CACNA2D3: variants seen among roughly 807,000 people sequenced by gnomAD.
CACNA2D3 encodes calcium voltage-gated channel auxiliary subunit alpha2delta 3, also known as voltage-dependent calcium channel subunit alpha-2/delta-3.
CACNA2D3 carries 60 observed loss-of-function variants against 160.6 expected under a neutral mutation model. That is an observed-to-expected ratio of 0.37 (90% confidence interval 0.30 to 0.46). The LOEUF (loss-of-function observed/expected upper bound fraction) is 0.46. Among genes scored for constraint, CACNA2D3 ranks in the 20% least tolerant of loss-of-function variants. The pLI is 1.00. For synonymous variants in CACNA2D3, 558 were observed against 492.9 expected (o/e 1.13, Z -1.75); for missense variants, 1,205 against 1,365.0 (o/e 0.88, Z 1.85).
At chr3:54,934,827 G>C (rs1701289321) in intron 27 of CACNA2D3, among the ~76,000 whole-genome samples, 1 of 152,100 alleles carries the variant, frequency 6.6e-6, no homozygotes, top group Admixed American at 6.6e-5. Flanking sequence ...CATCTCCAAG[G>C]TTCAAGTGAT....
intron 4 of CACNA2D3, among the ~76,000 whole-genome samples, chr3:54,477,729 A>G (rs1420873953): frequency 6.6e-6 from 1 of 152,008 alleles, no homozygotes; most frequent in East Asian, 1.9e-4. Context: ...TCTTCCAACC[A>G]CATCTTCACA....
At chr3:55,058,142 T>G (rs1246928932) in intron 35 of CACNA2D3, among the ~76,000 whole-genome samples, 2 of 152,194 alleles carry the variant, frequency 1.3e-5, no homozygotes, top group African/African-American at 4.8e-5. Context: ...CATGCTATGT[T>G]GTGATAAGGG....
intron 27 of CACNA2D3, among the ~76,000 whole-genome samples, chr3:54,951,704 C>A (rs1701762395): frequency 6.6e-6 from 1 of 152,148 alleles, no homozygotes; most frequent in South Asian, 2.1e-4. Context: ...ACTGAACCGC[C>A]GTGTACCTTT....
intron 13 of CACNA2D3, among the ~76,000 whole-genome samples, chr3:54,813,556 TGATTCAAG>T (rs1476298165): frequency 6.6e-6 from 1 of 152,104 alleles, no homozygotes. Context: ...TGGGGGGTGT[TGATTCAAG>T]GATTCAAGGC....
intron 35 of CACNA2D3, among the ~76,000 whole-genome samples, chr3:55,056,005 T>G (rs1360981198): frequency 6.6e-6 from 1 of 152,094 alleles, no homozygotes; most frequent in Non-Finnish European, 1.5e-5. Context: ...ACAGTGTGAA[T>G]AGACAATCTA....
intron 27 of CACNA2D3, among the ~76,000 whole-genome samples, chr3:54,957,235 A>T (rs890140605): frequency 6.6e-6 from 1 of 151,834 alleles, no homozygotes; most frequent in East Asian, 1.9e-4. Context: ...TCATAGCTCA[A>T]TGCAGCCTCA....
At chr3:54,860,485 G>A (rs1699267273) in intron 17 of CACNA2D3, among the ~76,000 whole-genome samples, 1 of 152,006 alleles carries the variant, frequency 6.6e-6, no homozygotes, top group Non-Finnish European at 1.5e-5. Flanking sequence ...ATATGGGGTT[G>A]GACTCCCAAG....
chr3:54,133,241 A>G (rs1018113299), intron 2 of CACNA2D3, among the ~76,000 whole-genome samples: 6 of 152,190 alleles, frequency 3.9e-5, no homozygotes, highest in African/African-American at 1.4e-4. Flanking sequence ...TTAATTTCTC[A>G]TAGCAACCCC....
chr3:54,822,527 C>T (rs948683575), intron 14 of CACNA2D3, among the ~76,000 whole-genome samples: 1 of 152,072 alleles, frequency 6.6e-6, no homozygotes, highest in African/African-American at 2.4e-5. Flanking sequence ...CTTGGCTGAC[C>T]CCTTTTCCAT....
chr3:54,510,907 A>G (rs1200728598), intron 5 of CACNA2D3, among the ~76,000 whole-genome samples: 1 of 152,196 alleles, frequency 6.6e-6, no homozygotes, highest in African/African-American at 2.4e-5. Context: ...CTGTCCTGCC[A>G]AAAATATGTA....
At chr3:54,169,277 G>T (rs1008944478) in intron 2 of CACNA2D3, among the ~76,000 whole-genome samples, 3 of 152,184 alleles carry the variant, frequency 2.0e-5, no homozygotes, top group Admixed American at 6.5e-5. Flanking sequence ...TGTGATTAGG[G>T]TCCATGCCTA....
chr3:55,004,420 G>C (rs964588522), intron 31 of CACNA2D3, among the ~76,000 whole-genome samples: 31 of 152,342 alleles, frequency 2.0e-4, no homozygotes, highest in African/African-American at 7.5e-4. Context: ...CCGGGTCTTA[G>C]AATCCAGTTC....
intron 11 of CACNA2D3, among the ~76,000 whole-genome samples, chr3:54,714,771 A>G (rs778880732): frequency 1.6e-4 from 24 of 152,248 alleles, no homozygotes; most frequent in Non-Finnish European, 2.9e-5. Context: ...AGATAACTGC[A>G]TTCCCATGCT....
At chr3:54,558,900 G>T (rs1159015443) in intron 5 of CACNA2D3, among the ~76,000 whole-genome samples, 1 of 152,120 alleles carries the variant, frequency 6.6e-6, no homozygotes, top group Non-Finnish European at 1.5e-5. Flanking sequence ...ATATCCTGGT[G>T]CTATAGTTTC....
chr3:54,336,527 C>T (rs1039172902), intron 3 of CACNA2D3, among the ~76,000 whole-genome samples: 5 of 152,144 alleles, frequency 3.3e-5, no homozygotes, highest in Admixed American at 2.0e-4. Flanking sequence ...AAGGGTCACA[C>T]GCTCATAGCT....
At chr3:54,750,187 T>G (rs1701831837) in intron 11 of CACNA2D3, among the ~76,000 whole-genome samples, 1 of 152,220 alleles carries the variant, frequency 6.6e-6, no homozygotes, top group Non-Finnish European at 1.5e-5. Flanking sequence ...TCAGTTTATA[T>G]GAAGGCTCTT....
At chr3:54,889,905 A>G (rs1048680318) in intron 24 of CACNA2D3, among the ~76,000 whole-genome samples, 8 of 152,202 alleles carry the variant, frequency 5.3e-5, no homozygotes, top group Non-Finnish European at 1.2e-4. Context: ...CACATACTAA[A>G]GATTTCCAAA....
At chr3:54,156,207 C>T (rs1201037909) in intron 2 of CACNA2D3, among the ~76,000 whole-genome samples, 1 of 151,974 alleles carries the variant, frequency 6.6e-6, no homozygotes, top group Non-Finnish European at 1.5e-5. Flanking sequence ...AGCAGGGGAG[C>T]GGGGAAATGA....
intron 2 of CACNA2D3, among the ~76,000 whole-genome samples, chr3:54,175,674 C>G (rs1700666679): frequency 6.7e-6 from 1 of 149,464 alleles, no homozygotes; most frequent in South Asian, 2.1e-4. Context: ...TTTATTTAAT[C>G]ATTGTTTTAT....
Sources: gnomAD v4.1 joint callset for allele counts (sites outside exome capture counted in the v4.1 genomes callset) on GRCh38, gnomAD v4.1.1 for gene constraint, MANE v1.5 for transcripts, NCBI Gene and HGNC (gene_info 2026-07-23, HGNC 2026-07-21) for gene names.